Variants in XKRX observed in about 807,000 individuals in gnomAD.
XKRX encodes XK-related protein 2.
A neutral mutation model predicts 22.4 loss-of-function variants in XKRX; 11 were observed. The ratio of observed to expected loss-of-function variants is 0.49; its 90% CI spans 0.31 to 0.81. XKRX has a LOEUF of 0.81. Ranked by LOEUF, XKRX falls within the 40% of genes least tolerant of loss-of-function variation. The probability of loss-of-function intolerance (pLI) is 0.05; values close to 1 mark genes in which losing one functional copy is unlikely to be tolerated. For synonymous variants in XKRX, 114 were observed against 132.2 expected, an observed-to-expected ratio of 0.86 and a Z score of 0.94; for missense variants, 320 against 336.5, an observed-to-expected ratio of 0.95 and a Z score of 0.38.
the XKRX span, among the ~76,000 whole-genome samples, chrX:100,945,950 C>T: frequency 9.0e-6 from 1 of 110,636 alleles, no homozygotes; most frequent in African/African-American, 3.3e-5. Flanking sequence ...CTTTGGGAGG[C>T]TAGGCGGACG....
At chrX:100,905,779 A>G in the XKRX span, among the ~76,000 whole-genome samples, 4 of 112,288 alleles carry the variant, frequency 3.6e-5, no homozygotes, top group African/African-American at 1.3e-4. Context: ...GTGGCAGCCA[A>G]CTCAAAAGAG....
At chrX:100,905,607 C>T in the XKRX span, among the ~76,000 whole-genome samples, 10 of 112,181 alleles carry the variant, frequency 8.9e-5, no homozygotes, top group Non-Finnish European at 1.9e-4. Flanking sequence ...ACATTTTCCT[C>T]TACCCCCCCA....
At chrX:100,910,670 G>A (rs143241641), downstream of XKRX, 470 of 389,009 alleles carry the variant, frequency 1.2e-3, 3 homozygotes, top group East Asian at 0.019. Flanking sequence ...GAGCATTTTC[G>A]CACCCCAGAG....
At chrX:100,933,478 TAAAAAAAAAAA>T (rs368739515), upstream of XKRX, among the ~76,000 whole-genome samples, 1 of 50,517 alleles carries the variant, frequency 2.0e-5, no homozygotes, top group African/African-American at 6.4e-5. Context: ...AGATTCCGTC[TAAAAAAAAAAA>T]AAAAAAAAAA....
At chrX:100,944,356 C>T in the XKRX span, among the ~76,000 whole-genome samples, 164 of 111,378 alleles carry the variant, frequency 1.5e-3, 1 homozygote, top group African/African-American at 5.1e-3. Context: ...ATTAAATCAA[C>T]GTTTTTGTTT....
the XKRX span, among the ~76,000 whole-genome samples, chrX:100,946,554 CAG>C: frequency 1.4e-4 from 16 of 111,414 alleles, no homozygotes; most frequent in Middle Eastern, 4.2e-3. Flanking sequence ...GGAAAACCAG[CAG>C]AGAGAGAGAA....
chrX:100,904,696 C>T, the XKRX span, among the ~76,000 whole-genome samples: 3 of 111,628 alleles, frequency 2.7e-5, no homozygotes, highest in Non-Finnish European at 5.6e-5. Context: ...GGAAGCTTGT[C>T]CAGCAGGTGT....
At position 100,927,991 on chromosome X, in the gene XKRX, A is replaced by T; in HGVS notation, c.314T>A (p.Ile105Asn). ...DKPLSLFMHL[I>N]LLGPVIRCLE... ...TCACCTGATAACAGGTCCCAAGAGGATTAGATGCATAAATAATGATAGCGG... is the reference window on the plus strand; with the variant it reads ...TCACCTGATAACAGGTCCCAAGAGGTTTAGATGCATAAATAATGATAGCGG... Residue 105 changes from isoleucine to asparagine, a missense_variant, in exon 1 of 3, where the codon ATC (isoleucine) becomes AAC (asparagine). Coordinates refer to ENST00000372956, the MANE Select transcript of XKRX (RefSeq NM_212559.3). The T allele has an allele frequency of 8.3e-7, 1 of 1,204,025 alleles. No individual in the cohort carries two copies. Among genetic ancestry groups the T allele is most frequent in the Non-Finnish European group, 1.1e-6 (1 of 892,437 alleles).
At chrX:100,910,628 C>T (rs1231238464), downstream of XKRX, 2 of 343,959 alleles carry the variant, frequency 5.8e-6, no homozygotes, top group South Asian at 6.0e-5. Flanking sequence ...TGTGCGGCCT[C>T]GGCTCGTGGG....
Position 100,921,857 on chromosome X carries a change from G to A in XKRX, c.604+936C>T, listed in dbSNP as rs918609401. ...TTTTTTTTTTTTTTTTTTTTGAGAC[G>A]GAGTCTTGCTCTGTCACCCAGGCTG... On this transcript the variant is annotated intron_variant, in intron 2 of 2. Transcript: ENST00000372956. Among the ~76,000 whole-genome samples, 4 of 78,773 alleles carry A rather than the reference G, an allele frequency of 5.1e-5. 1 individual carries two copies. The Admixed American group carries it at 5.1e-4, about 10-fold the overall frequency. The allele number at this position is 78,773 out of a possible 115,157, so 68.4% of individuals were successfully genotyped here.
the XKRX span, chrX:100,888,699 T>C: frequency 3.3e-6 from 1 of 303,284 alleles, no homozygotes; most frequent in Non-Finnish European, 5.8e-6. Flanking sequence ...AATAGAGTGA[T>C]CAGGGAAGTC....
chrX:100,921,037 G>A (rs1170905278), intron 2 of XKRX, among the ~76,000 whole-genome samples: 1 of 111,520 alleles, frequency 9.0e-6, no homozygotes, highest in Non-Finnish European at 1.9e-5. Flanking sequence ...AAGTAGCTGG[G>A]ATTATAAGCA....
the XKRX span, chrX:100,887,690 C>T: frequency 0.28 from 186,059 of 666,650 alleles, 17,947 homozygotes; most frequent in East Asian, 0.39. Context: ...ACCATAGCCA[C>T]TGTGGTTTGG....
At chrX:100,910,943 GAA>G, downstream of XKRX, 1 of 562,678 alleles carries the variant, frequency 1.8e-6, no homozygotes, top group East Asian at 3.3e-5. Flanking sequence ...CAAGAATAAT[GAA>G]AAGACTCCAC....
chrX:100,896,555 C>T, the XKRX span, among the ~76,000 whole-genome samples: 1 of 111,772 alleles, frequency 8.9e-6, no homozygotes, highest in Admixed American at 9.5e-5. Flanking sequence ...AAAGTATGAA[C>T]CACAATCTTA....
chrX:100,916,077 C>CCACACACACA (rs72334101), intron 2 of XKRX, among the ~76,000 whole-genome samples: 6 of 97,066 alleles, frequency 6.2e-5, no homozygotes, highest in Admixed American at 1.2e-4. Flanking sequence ...TTAAGTTTTA[C>CCACACACACA]CACACACACA....
the XKRX span, among the ~76,000 whole-genome samples, chrX:100,954,394 G>T: frequency 1.2e-4 from 13 of 109,272 alleles, no homozygotes; most frequent in African/African-American, 4.3e-4. Context: ...ACTCCAGCCT[G>T]GGCAACAGAG....
At chrX:100,943,285 G>A in the XKRX span, among the ~76,000 whole-genome samples, 1 of 111,598 alleles carries the variant, frequency 9.0e-6, no homozygotes, top group East Asian at 2.8e-4. Context: ...TAACATAATA[G>A]GATATTGTTT....
chrX:100,957,284 A>T, the XKRX span: 2 of 1,004,084 alleles, frequency 2.0e-6, no homozygotes, highest in Non-Finnish European at 2.8e-6. Context: ...GGGGTGGAGA[A>T]GATGTTCATC....
Sources: gnomAD v4.1 joint callset for allele counts (sites outside exome capture counted in the v4.1 genomes callset) on GRCh38, gnomAD v4.1.1 for gene constraint, MANE v1.5 for transcripts, NCBI Gene and HGNC (gene_info 2026-07-23, HGNC 2026-07-21) for gene names.